Variants in TRIOBP observed in about 807,000 individuals in gnomAD.
TRIOBP encodes TRIO and F-actin binding protein.
Under a neutral mutation model 238.8 loss-of-function variants are expected in TRIOBP, and 169 were observed. That is an observed-to-expected ratio of 0.71 (90% CI 0.62 to 0.80). TRIOBP has a LOEUF of 0.80. Among genes scored for constraint, TRIOBP ranks in the 30% least tolerant of loss-of-function variants. TRIOBP has a pLI of 0.00. For missense variants in TRIOBP, 2,838 were observed against 3,122.6 expected (o/e 0.91, Z 2.17); for synonymous variants, 1,150 against 1,274.4 (o/e 0.90, Z 2.08).
At chr22:37,770,462 A>AT (rs1005143652) in intron 21 of TRIOBP, among the ~76,000 whole-genome samples, 32 of 149,934 alleles carry the variant, frequency 2.1e-4, no homozygotes, top group South Asian at 1.1e-3. Context: ...AAAAAAAAAA[A>AT]ATATTAAAAA....
intron 11 of TRIOBP, among the ~76,000 whole-genome samples, chr22:37,749,080 G>A (rs1026215483): frequency 6.6e-6 from 1 of 152,112 alleles, no homozygotes; most frequent in African/African-American, 2.4e-5. Flanking sequence ...ACCGGGTGTA[G>A]TGGCTTATGT....
intron 12 of TRIOBP, among the ~76,000 whole-genome samples, chr22:37,752,387 C>T (rs1054834975): frequency 4.6e-5 from 7 of 152,224 alleles, no homozygotes; most frequent in Admixed American, 1.3e-4. Flanking sequence ...ACTGTGGGCT[C>T]AGCTAAAGAC....
In TRIOBP at chr22:37,721,579, G is replaced by A. The variant is rs116877236; in HGVS notation, c.629-1606G>A. Among the ~76,000 whole-genome samples the A allele has an allele frequency of 1.4e-3, 217 of 152,312 alleles. 6 individuals are homozygous for A. In the East Asian group the frequency reaches 0.03, roughly 21 times the overall value. Reference sequence around the variant, plus strand: ...TGCAACCTCCACCTCCTGGGCTCAGGCACTCCTCCGGCCTCAGCCTCCTAG... The same window carrying A: ...TGCAACCTCCACCTCCTGGGCTCAGACACTCCTCCGGCCTCAGCCTCCTAG... On this transcript the variant is annotated intron_variant, in intron 6 of 23. Transcript: ENST00000644935.
At chr22:37,743,803 G>GAA (rs1160586138) in intron 11 of TRIOBP, among the ~76,000 whole-genome samples, 1 of 46,404 alleles carries the variant, frequency 2.2e-5, no homozygotes, top group East Asian at 5.6e-4. Flanking sequence ...GAGAGAGAAT[G>GAA]TGTGTGTGTG....
In TRIOBP at chr22:37,734,825, A is replaced by C; in HGVS notation, c.4489A>C (p.Lys1497Gln). 6.2e-7 allele frequency: 1 copy of C among 1,612,464 alleles called. No homozygotes were observed. Among genetic ancestry groups the C allele is most frequent in the Non-Finnish European group, 8.5e-7 (1 of 1,179,848 alleles). The change falls in exon 9 of 24, where the codon AAG becomes CAG. Residue 1497 changes from lysine to glutamine, a missense_variant. This residue lies in a region of TRIOBP where 2,096 missense variants were observed against 2,137.4 expected (regional missense o/e 0.98). Coordinates refer to ENST00000644935, the MANE Select transcript of TRIOBP (RefSeq NM_001039141.3). Reference sequence around the variant, plus strand: ...GGGGCAGCCAGAGGCCTGGGAGGAGAAGCCCACTCATGAGCTCCCCAGAGA... The same window carrying C: ...GGGGCAGCCAGAGGCCTGGGAGGAGCAGCCCACTCATGAGCTCCCCAGAGA... ...SWGQPEAWEE[K>Q]PTHELPRELG... is the part of the protein sequence containing the mutation.
chr22:37,702,187 GA>G (rs67613668), intron 3 of TRIOBP, among the ~76,000 whole-genome samples: 58,968 of 151,990 alleles, frequency 0.39, 12,569 homozygotes, highest in East Asian at 0.66. Context: ...CCTAACTTGA[GA>G]GTGTTTTCTT....
At chr22:37,752,037 C>T (rs2145862847) in intron 12 of TRIOBP, among the ~76,000 whole-genome samples, 1 of 152,334 alleles carries the variant, frequency 6.6e-6, no homozygotes. Context: ...TAGCCCCTCA[C>T]ACCCAGTGCC....
intron 2 of TRIOBP, among the ~76,000 whole-genome samples, chr22:37,700,560 G>A (rs950920287): frequency 1.3e-5 from 2 of 151,960 alleles, no homozygotes; most frequent in Non-Finnish European, 2.9e-5. Flanking sequence ...GGGACCACAG[G>A]CCTGCACCAC....
At chr22:37,717,001 C>G (rs1923554385) in intron 6 of TRIOBP, among the ~76,000 whole-genome samples, 1 of 152,214 alleles carries the variant, frequency 6.6e-6, no homozygotes, top group African/African-American at 2.4e-5. Context: ...CTTGGTCTCA[C>G]TGACTTCAAG....
chr22:37,707,805 G>A (rs1288394543), intron 3 of TRIOBP, among the ~76,000 whole-genome samples: 2 of 151,648 alleles, frequency 1.3e-5, no homozygotes, highest in African/African-American at 2.4e-5. Context: ...AGCTGGGTAT[G>A]GTGGCGGACC....
At chr22:37,734,289 C>G (rs1924554066) in intron 8 of TRIOBP, 110 bp from the exon 9 acceptor site, 3 of 1,062,694 alleles carry the variant, frequency 2.8e-6, no homozygotes, top group African/African-American at 3.1e-5. Flanking sequence ...TGCTTTGATT[C>G]AGGCTGCTGT....
chr22:37,713,277 G>C lies in TRIOBP; in HGVS notation c.322G>C (p.Glu108Gln). The C allele has an allele frequency of 1.2e-6, 2 of 1,613,952 alleles. No individual in the cohort carries two copies. Among genetic ancestry groups the C allele is most frequent in the East Asian group, 2.2e-5 (1 of 44,862 alleles). ...AGCTGCCCCCAGGAGCAGGAGCCGGGAGCTTGAGGCAGTACCCTATCTGGA... is the reference window on the plus strand; with the variant it reads ...AGCTGCCCCCAGGAGCAGGAGCCGGCAGCTTGAGGCAGTACCCTATCTGGA... The part of the protein sequence containing the change: ...PTAAPRSRSR[E>Q]LEAVPYLEGL... Residue 108 changes from glutamate (E) to glutamine (Q), a missense_variant, in exon 5 of 24, where the codon GAG becomes CAG. Physicochemically the swap from Glu to Gln is conservative, Grantham distance 29. Around this residue, in one of 5 missense-constraint regions of TRIOBP, gnomAD observed 535 missense variants for 537.3 expected, o/e 1.00. Transcript: ENST00000644935.
chr22:37,764,323 A>T (rs1459703311), intron 17 of TRIOBP, among the ~76,000 whole-genome samples: 1 of 152,160 alleles, frequency 6.6e-6, no homozygotes, highest in Non-Finnish European at 1.5e-5. Context: ...ACTGGGACGG[A>T]CAGGTCTGCA....
chr22:37,723,555 A>T lies in TRIOBP; in HGVS notation c.999A>T (p.Ser333=). The change falls in exon 7 of 24, where the codon TCA becomes TCT. Residue 333 remains serine, a synonymous_variant. Coordinates refer to ENST00000644935, the MANE Select transcript of TRIOBP (RefSeq NM_001039141.3). ...CCCAAGAGGACACCCCCAGGGCCTC[A>T]TCTACACAGTGGAACACCCCCAGAG... is the stretch of plus-strand genomic sequence containing the variant. ...SSTQEDTPRA[S]STQWNTPRAS... is the part of the protein sequence containing the mutation. The T allele has an allele frequency of 6.2e-7, 1 of 1,613,730 alleles. No individual in the cohort carries two copies. The highest frequency in any genetic ancestry group is 1.1e-5 in the South Asian group (1 of 91,044).
In TRIOBP at chr22:37,770,881, A is replaced by G. The variant is rs146260995; in HGVS notation, c.6850-769A>G. 3.5e-3 allele frequency among the ~76,000 whole-genome samples: 521 copies of G among 148,894 alleles called. 26 individuals carry two copies. The East Asian group carries it at 0.092, about 26-fold the overall frequency. ...GTATTTTTAGTAGAGACGGGGTTTC[A>G]CCATGTTAGCCGGGATGGTCCCAAT... On this transcript the variant is annotated intron_variant, in intron 21 of 23. Coordinates refer to ENST00000644935, the MANE Select transcript of TRIOBP (RefSeq NM_001039141.3).
rs375017496 is a variant in TRIOBP at position 37,723,260 on chromosome 22, G to A, written c.704G>A (p.Arg235Gln). Reference protein sequence around the residue: ...LRGESGLSLERHRSTLTQASS... With the variant: ...LRGESGLSLEQHRSTLTQASS... ...GGAGAAAGCGGGTTGTCCCTGGAGCGGCACCGGTCAACACTGACCCAGGCT... is the reference window on the plus strand; with the variant it reads ...GGAGAAAGCGGGTTGTCCCTGGAGCAGCACCGGTCAACACTGACCCAGGCT... Residue 235 changes from arginine (R) to glutamine (Q), a missense_variant, in exon 7 of 24, where the codon CGG (arginine) becomes CAG (glutamine). Arg to Gln is a conservative substitution (Grantham distance 43, BLOSUM62 1). Coordinates refer to ENST00000644935, the MANE Select transcript of TRIOBP (RefSeq NM_001039141.3). 52 of 1,613,904 alleles carry A rather than the reference G, an allele frequency of 3.2e-5. No individual in the cohort carries two copies. Among genetic ancestry groups the A allele is most frequent in the South Asian group, 2.6e-4 (24 of 91,078 alleles).
At position 37,743,895 on chromosome 22, in the gene TRIOBP, G is replaced by A. The variant is rs148982370; in HGVS notation, c.5322+2863G>A. ...GGTGTGTGTGTGTGTGTGTGCTGGG[G>A]TACAGAAGACAGGAAGAGAAGTGTT... On this transcript the variant is annotated intron_variant, in intron 11 of 23. Coordinates refer to ENST00000644935, the MANE Select transcript of TRIOBP (RefSeq NM_001039141.3). Among the ~76,000 whole-genome samples, 175 of 147,440 alleles carry A rather than the reference G, an allele frequency of 1.2e-3. 1 individual carries two copies. The highest frequency in any genetic ancestry group is 4.2e-3 in the African/African-American group (167 of 39,964).
rs370666098 is a variant in TRIOBP, at chr22:37,735,132, C to G, written c.4796C>G (p.Ala1599Gly). 11 of 1,610,032 alleles carry G rather than the reference C, an allele frequency of 6.8e-6. No individual in the cohort carries two copies. The highest frequency in any genetic ancestry group is 9.3e-6 in the Non-Finnish European group (11 of 1,177,546). ...LQARLPRKDP[A>G]GHRDDLARAL... is the part of the protein sequence containing the mutation. ...GCCAGGCTGCCCCGCAAGGACCCAG[C>G]TGGACACAGGGATGACCTGGCCAGG... The change falls in exon 9 of 24, where the codon GCT (alanine) becomes GGT (glycine). Residue 1599 changes from alanine (A) to glycine (G), a missense_variant. By Grantham distance (60) the Ala-to-Gly change is moderately conservative. Coordinates refer to ENST00000644935, the MANE Select transcript of TRIOBP (RefSeq NM_001039141.3).
At chr22:37,717,571 A>C (rs939175152) in intron 6 of TRIOBP, among the ~76,000 whole-genome samples, 1 of 152,232 alleles carries the variant, frequency 6.6e-6, no homozygotes. Context: ...GTGTCCACAC[A>C]AAGGTTCTCC....
Sources: allele counts gnomAD v4.1 joint callset (sites outside exome capture counted in the v4.1 genomes callset), GRCh38; gene constraint gnomAD v4.1.1; regional missense constraint gnomAD v4.1.1; transcripts MANE v1.5; gene names NCBI Gene and HGNC (gene_info 2026-07-23, HGNC 2026-07-21).